The following ADNP2 variants were observed in gnomAD, a reference collection of about 807,000 sequenced individuals.
ADNP2 encodes the protein ADNP homeobox 2, also known as activity-dependent neuroprotector homeobox protein 2.
Under a neutral mutation model 16.4 loss-of-function variants are expected in ADNP2, and 8 were observed. The observed-to-expected ratio is 0.49, with a 90% CI of 0.29 to 0.88. The LOEUF (loss-of-function observed/expected upper bound fraction) is 0.88. Ranked by LOEUF, ADNP2 falls within the 40% of genes least tolerant of loss-of-function variation. The probability of loss-of-function intolerance (pLI) is 0.09; values close to 1 mark genes in which losing one functional copy is unlikely to be tolerated. For synonymous variants in ADNP2, 637 were observed against 545.8 expected (o/e 1.17, Z -2.33); for missense variants, 1,397 against 1,395.1 (o/e 1.00, Z -0.02).
intron 3 of ADNP2, among the ~76,000 whole-genome samples, chr18:80,135,399 C>A (rs1173469666): frequency 1.3e-5 from 2 of 152,170 alleles, no homozygotes; most frequent in Non-Finnish European, 2.9e-5. Context: ...TGAGTAGTTG[C>A]CACAGAGACT....
chr18:80,123,691 G>A (rs2052439883), intron 2 of ADNP2, among the ~76,000 whole-genome samples: 1 of 151,310 alleles, frequency 6.6e-6, no homozygotes, highest in African/African-American at 2.4e-5. Context: ...TTTTTTTGTG[G>A]CGAGTTTGAG....
At chr18:80,128,633 G>A (rs563149806) in intron 2 of ADNP2, among the ~76,000 whole-genome samples, 1 of 152,332 alleles carries the variant, frequency 6.6e-6, no homozygotes, top group Non-Finnish European at 1.5e-5. Context: ...CTGGGCGACA[G>A]AGCAAGACCC....
chr18:80,133,393 G>GAGTTGATAC (rs1488689453), intron 3 of ADNP2, among the ~76,000 whole-genome samples: 1 of 152,224 alleles, frequency 6.6e-6, no homozygotes, highest in Non-Finnish European at 1.5e-5. Context: ...TCTGTGTGCA[G>GAGTTGATAC]AGTTGATACA....
chr18:80,138,242 G>A lies in ADNP2; in HGVS notation c.2829G>A (p.Lys943=), dbSNP rs566798670. The change falls in exon 4 of 4, where the codon AAG becomes AAA. Residue 943 remains lysine (K), a synonymous_variant. Coordinates refer to ENST00000262198, the MANE Select transcript of ADNP2 (RefSeq NM_014913.4). ...VHLVRCRSAP[K]DSSSDLQAQP... Reference sequence around the variant, plus strand: ...TGGTGCGCTGCAGAAGTGCTCCCAAGGACAGCAGCTCAGACCTGCAGGCCC... The same window carrying A: ...TGGTGCGCTGCAGAAGTGCTCCCAAAGACAGCAGCTCAGACCTGCAGGCCC... 6.2e-7 allele frequency: 1 copy of A among 1,614,032 alleles called. No homozygotes were observed.
Position 80,139,013 on chromosome 18 carries a change from T to C in ADNP2, c.*204T>C, listed in dbSNP as rs2052563871. ...ACATCTATTGTTTCCTGCAGTTTGA[T>C]TTGTAACAGAACAGTTGTTTTCAGG... is the stretch of plus-strand genomic sequence containing the variant. On this transcript the variant is annotated 3_prime_UTR_variant, in exon 4 of 4. Coordinates refer to ENST00000262198, the MANE Select transcript of ADNP2 (RefSeq NM_014913.4). 1 of 439,222 alleles carries C rather than the reference T, an allele frequency of 2.3e-6. No homozygotes were observed. Among genetic ancestry groups the C allele is most frequent in the African/African-American group, 2.0e-5 (1 of 49,190 alleles). 27.2% of individuals were successfully genotyped at this position (439,222 alleles called of 1,614,324 possible).
chr18:80,121,071 A>G (rs986219834), intron 2 of ADNP2, among the ~76,000 whole-genome samples: 2 of 152,212 alleles, frequency 1.3e-5, no homozygotes, highest in African/African-American at 4.8e-5. Flanking sequence ...TTCACAGTGA[A>G]AGTGCACCAT....
chr18:80,120,296 C>T (rs191853503), intron 2 of ADNP2, among the ~76,000 whole-genome samples: 2 of 151,520 alleles, frequency 1.3e-5, no homozygotes, highest in Admixed American at 6.6e-5. Context: ...GTGCTAGTTG[C>T]ATGCCCATGG....
chr18:80,123,457 C>T (rs946033409), intron 2 of ADNP2, among the ~76,000 whole-genome samples: 8 of 151,918 alleles, frequency 5.3e-5, no homozygotes, highest in South Asian at 2.1e-4. Flanking sequence ...CCGCAACCTC[C>T]GCCTCACAGG....
At chr18:80,117,390 C>T in intron 1 of ADNP2, 140 bp from the exon 2 acceptor site, 1 of 486,676 alleles carries the variant, frequency 2.1e-6, no homozygotes, top group Non-Finnish European at 3.5e-6. Flanking sequence ...CATTCATTTG[C>T]ATATGAATGT....
At chr18:80,116,180 C>T (rs556903506) in intron 1 of ADNP2, among the ~76,000 whole-genome samples, 2 of 152,252 alleles carry the variant, frequency 1.3e-5, no homozygotes, top group Admixed American at 1.3e-4. Context: ...AAAGTTTGTC[C>T]ATATTGTAGC....
chr18:80,128,742 T>C (rs2052476498), intron 2 of ADNP2, among the ~76,000 whole-genome samples: 2 of 152,238 alleles, frequency 1.3e-5, no homozygotes, highest in African/African-American at 4.8e-5. Flanking sequence ...AGCTACATAC[T>C]AGCGTAGAGT....
At chr18:80,134,681 T>C (rs1278034592) in intron 3 of ADNP2, among the ~76,000 whole-genome samples, 1 of 152,166 alleles carries the variant, frequency 6.6e-6, no homozygotes. Context: ...TTGCATCCTG[T>C]TGTATGAATA....
chr18:80,117,154 C>T (rs2052394501), intron 1 of ADNP2, among the ~76,000 whole-genome samples: 1 of 151,986 alleles, frequency 6.6e-6, no homozygotes, highest in Admixed American at 6.5e-5. Flanking sequence ...TGATGGTGTC[C>T]TTTGAAGCAT....
At chr18:80,119,762 C>G (rs1192585562) in intron 2 of ADNP2, among the ~76,000 whole-genome samples, 1 of 152,236 alleles carries the variant, frequency 6.6e-6, no homozygotes, top group Non-Finnish European at 1.5e-5. Context: ...AAATTAACAT[C>G]TGATCAGAAA....
chr18:80,119,544 C>T (rs1270060789), intron 2 of ADNP2, among the ~76,000 whole-genome samples: 4 of 152,154 alleles, frequency 2.6e-5, no homozygotes, highest in East Asian at 1.9e-4. Context: ...AGTGGTATGT[C>T]GCTCTGCCTT....
Position 80,135,874 on chromosome 18 carries a change from G to T in ADNP2, c.461G>T (p.Ser154Ile). 1 of 1,614,200 alleles carries T rather than the reference G, an allele frequency of 6.2e-7. No individual in the cohort carries two copies. Among genetic ancestry groups the T allele is most frequent in the South Asian group, 1.1e-5 (1 of 91,088 alleles). ...AAATCATCTAGGAGCGATGTGATAAGTTTCACATGTCTAAAATGTAACTTT... is the reference window on the plus strand; with the variant it reads ...AAATCATCTAGGAGCGATGTGATAATTTTCACATGTCTAAAATGTAACTTT... Reference protein sequence around the residue: ...ETKSSRSDVISFTCLKCNFSN... With the variant: ...ETKSSRSDVIIFTCLKCNFSN... The change falls in exon 4 of 4, where the codon AGT becomes ATT. Residue 154 changes from serine to isoleucine, a missense_variant. Ser to Ile is a moderately radical substitution (Grantham distance 142, BLOSUM62 -2). Around this residue, in one of 3 missense-constraint regions of ADNP2, gnomAD observed 777 missense variants for 719.4 expected, o/e 1.08. Coordinates refer to ENST00000262198, the MANE Select transcript of ADNP2 (RefSeq NM_014913.4).
In ADNP2 at chr18:80,138,502, T is replaced by C. The variant is rs1216555659; in HGVS notation, c.3089T>C (p.Ile1030Thr). The C allele has an allele frequency of 1.2e-6, 2 of 1,614,022 alleles. No homozygotes were observed. Among genetic ancestry groups the C allele is most frequent in the Admixed American group, 1.7e-5 (1 of 59,994 alleles). Residue 1030 changes from isoleucine (I) to threonine (T), a missense_variant, in exon 4 of 4, where the codon ATT becomes ACT. By Grantham distance (89) the Ile-to-Thr change is moderately conservative. Coordinates refer to ENST00000262198, the MANE Select transcript of ADNP2 (RefSeq NM_014913.4). ...AATGAAAGCAGAACAGAGGGACCTATTGTCAAGGACGAGGCTCTTCAGATT... is the reference window on the plus strand; with the variant it reads ...AATGAAAGCAGAACAGAGGGACCTACTGTCAAGGACGAGGCTCTTCAGATT... Reference protein sequence around the residue: ...QRNESRTEGPIVKDEALQILA... With the variant: ...QRNESRTEGPTVKDEALQILA...
At chr18:80,113,684 G>C (rs879267726) in intron 1 of ADNP2, among the ~76,000 whole-genome samples, 4 of 152,056 alleles carry the variant, frequency 2.6e-5, no homozygotes, top group Admixed American at 6.6e-5. Context: ...ACCCTCTCAA[G>C]CAAATATAAC....
Position 80,138,543 on chromosome 18 carries a change from A to G in ADNP2, c.3130A>G (p.Lys1044Glu), listed in dbSNP as rs1476797741. The change falls in exon 4 of 4, where the codon AAA becomes GAA. Residue 1044 changes from lysine to glutamate, a missense_variant. By Grantham distance (56) the Lys-to-Glu change is moderately conservative (BLOSUM62 1). Around this residue, in one of 3 missense-constraint regions of ADNP2, gnomAD observed 611 missense variants for 648.7 expected, o/e 0.94. Coordinates refer to ENST00000262198, the MANE Select transcript of ADNP2 (RefSeq NM_014913.4). ...EALQILALDP[K>E]KYEGRSYEEK... The stretch of plus-strand genomic sequence containing the variant: ...TCTTCAGATTTTAGCATTAGATCCT[A>G]AAAAATATGAAGGCCGTTCTTATGA... 1 of 1,613,636 alleles carries G rather than the reference A, an allele frequency of 6.2e-7. No homozygotes were observed. The highest frequency in any genetic ancestry group is 1.7e-5 in the Admixed American group (1 of 59,928).
Sources: allele counts gnomAD v4.1 joint callset (sites outside exome capture counted in the v4.1 genomes callset), GRCh38; gene constraint gnomAD v4.1.1; regional missense constraint gnomAD v4.1.1; transcripts MANE v1.5; gene names NCBI Gene and HGNC (gene_info 2026-07-23, HGNC 2026-07-21).